SAMMSON: variants seen among roughly 807,000 people sequenced by gnomAD.
SAMMSON encodes survival associated mitochondrial melanoma specific oncogenic non-coding RNA, also known as long intergenic non-protein coding RNA 1212.
chr3:70,010,766 C>T (rs540540262), intron 1 of SAMMSON, among the ~76,000 whole-genome samples: 7 of 152,186 alleles, frequency 4.6e-5, no homozygotes, highest in African/African-American at 7.2e-5. Context: ...TCCGCATTGT[C>T]GGGGAGGCCT....
At chr3:70,409,105 CGTAA>C (rs1701198623) in intron 2 of SAMMSON, among the ~76,000 whole-genome samples, 1 of 152,024 alleles carries the variant, frequency 6.6e-6, no homozygotes, top group Admixed American at 6.5e-5. Flanking sequence ...TGGTGTCTCC[CGTAA>C]CACATGGGAA....
At chr3:70,326,021 C>T (rs1251861983) in intron 7 of SAMMSON, among the ~76,000 whole-genome samples, 1 of 152,142 alleles carries the variant, frequency 6.6e-6, no homozygotes, top group Non-Finnish European at 1.5e-5. Flanking sequence ...TCTCAGAACT[C>T]TAGTAAAATT....
At position 70,287,501 on chromosome 3, in the gene SAMMSON, A is replaced by C. The variant is rs1388295322; in HGVS notation, n.675-3678A>C. 1.4e-4 allele frequency among the ~76,000 whole-genome samples: 22 copies of C among 152,020 alleles called. No homozygotes were observed. The South Asian group carries it at 4.6e-3, about 32-fold the overall frequency. On this transcript the variant is annotated intron_variant and non_coding_transcript_variant, in intron 6 of 9. Coordinates refer to ENST00000642114, the Ensembl canonical transcript of SAMMSON. Reference sequence around the variant, plus strand: ...ATTTTTGCATCAATGTTCATTAAGGATATTGGTCTAAAATTCTCTTTTTTG... The same window carrying C: ...ATTTTTGCATCAATGTTCATTAAGGCTATTGGTCTAAAATTCTCTTTTTTG...
intron 4 of SAMMSON, among the ~76,000 whole-genome samples, chr3:70,098,319 A>T (rs937590669): frequency 6.6e-6 from 1 of 151,850 alleles, no homozygotes; most frequent in African/African-American, 2.4e-5. Flanking sequence ...CTTCCCTCCT[A>T]TCCTGTTCCG....
intron 1 of SAMMSON, among the ~76,000 whole-genome samples, chr3:70,008,125 G>A (rs2066936365): frequency 6.6e-6 from 1 of 152,112 alleles, no homozygotes. Flanking sequence ...ACTTGGCGAT[G>A]TGGGCTCTTT....
intron 4 of SAMMSON, chr3:70,127,907 G>A (rs1027307380): frequency 6.6e-6 from 1 of 152,264 alleles, no homozygotes; most frequent in African/African-American, 2.4e-5. Flanking sequence ...CTCCCAAAGT[G>A]CTGGGATTAC....
At chr3:70,100,943 C>T (rs1041098700) in intron 4 of SAMMSON, among the ~76,000 whole-genome samples, 2 of 152,164 alleles carry the variant, frequency 1.3e-5, no homozygotes, top group African/African-American at 2.4e-5. Context: ...TCTTATTAAT[C>T]TTGAGAATCA....
intron 6 of SAMMSON, among the ~76,000 whole-genome samples, chr3:70,255,678 T>G (rs1012230265): frequency 6.6e-6 from 1 of 152,126 alleles, no homozygotes; most frequent in Non-Finnish European, 1.5e-5. Context: ...AGGCTGGTCT[T>G]GAACTGCTGG....
intron 6 of SAMMSON, among the ~76,000 whole-genome samples, chr3:70,270,700 G>A (rs1425984841): frequency 3.3e-5 from 5 of 152,122 alleles, no homozygotes; most frequent in Admixed American, 3.3e-4. Context: ...GGAATACTAT[G>A]CAGCCATAAA....
At chr3:70,260,779 G>C (rs1404352971) in intron 6 of SAMMSON, among the ~76,000 whole-genome samples, 1 of 151,746 alleles carries the variant, frequency 6.6e-6, no homozygotes. Flanking sequence ...ATTATTGCTA[G>C]CTCCAAGGTA....
exon 2 of SAMMSON, chr3:70,012,373 C>T (rs533220105): frequency 4.6e-5 from 7 of 151,934 alleles, no homozygotes; most frequent in African/African-American, 1.7e-4. Flanking sequence ...TCAATGTCAT[C>T]ACAAGGGTGC....
chr3:70,240,449 A>C (rs1270757134), intron 4 of SAMMSON, among the ~76,000 whole-genome samples: 3 of 152,060 alleles, frequency 2.0e-5, no homozygotes, highest in Non-Finnish European at 4.4e-5. Context: ...TATTTTTGAC[A>C]CACTATTTTT....
intron 6 of SAMMSON, among the ~76,000 whole-genome samples, chr3:70,252,929 A>T (rs1166332797): frequency 6.6e-6 from 1 of 151,918 alleles, no homozygotes; most frequent in Admixed American, 6.6e-5. Context: ...AAAATACAAA[A>T]ATTAGCCGGC....
chr3:70,150,663 C>T (rs1364703741), intron 4 of SAMMSON, among the ~76,000 whole-genome samples: 2 of 151,972 alleles, frequency 1.3e-5, no homozygotes, highest in South Asian at 2.1e-4. Context: ...TGGATGTAAT[C>T]GCATGCAGAA....
At chr3:70,406,013 T>C (rs1559582512) in intron 2 of SAMMSON, among the ~76,000 whole-genome samples, 1 of 152,220 alleles carries the variant, frequency 6.6e-6, no homozygotes, top group African/African-American at 2.4e-5. Context: ...AGTAACAATG[T>C]ATTGCATTCT....
At chr3:70,025,996 A>T (rs2067035788) in intron 3 of SAMMSON, among the ~76,000 whole-genome samples, 1 of 152,110 alleles carries the variant, frequency 6.6e-6, no homozygotes, top group African/African-American at 2.4e-5. Context: ...ATATAATTGG[A>T]CCCATGCATT....
At chr3:70,274,226 T>A (rs908390365) in intron 6 of SAMMSON, among the ~76,000 whole-genome samples, 3 of 151,934 alleles carry the variant, frequency 2.0e-5, no homozygotes, top group African/African-American at 4.8e-5. Context: ...AGACAATTGA[T>A]ATGTTTTAAT....
intron 2 of SAMMSON, among the ~76,000 whole-genome samples, chr3:70,412,197 T>A (rs1374805161): frequency 6.6e-6 from 1 of 152,198 alleles, no homozygotes; most frequent in African/African-American, 2.4e-5. Flanking sequence ...GGACTTGTCT[T>A]ACCAAAGTGA....
intron 4 of SAMMSON, among the ~76,000 whole-genome samples, chr3:70,087,173 T>C (rs985027006): frequency 6.6e-6 from 1 of 152,230 alleles, no homozygotes; most frequent in Non-Finnish European, 1.5e-5. Context: ...TTCTGAAATA[T>C]TCATAGTGGC....
Sources: gnomAD v4.1 joint callset for allele counts (sites outside exome capture counted in the v4.1 genomes callset) on GRCh38, gnomAD v4.1.1 for gene constraint, MANE v1.5 for transcripts, NCBI Gene and HGNC (gene_info 2026-07-23, HGNC 2026-07-21) for gene names.